Variants in ARB2A observed in about 807,000 individuals in gnomAD.
The protein encoded by ARB2A is cotranscriptional regulator ARB2A.
At chr5:93,957,652 T>C in the ARB2A span, among the ~76,000 whole-genome samples, 5 of 152,002 alleles carry the variant, frequency 3.3e-5, no homozygotes, top group South Asian at 2.1e-4. Flanking sequence ...AAAAAACATA[T>C]AGTTAACCTA....
chr5:94,099,624 C>CAAAAAAAAAA, the ARB2A span, among the ~76,000 whole-genome samples: 1 of 13,648 alleles, frequency 7.3e-5, no homozygotes, highest in Non-Finnish European at 1.8e-4. Flanking sequence ...GACTCCGTCT[C>CAAAAAAAAAA]AAAAAAAAAA....
chr5:93,927,862 G>T, the ARB2A span, among the ~76,000 whole-genome samples: 1 of 152,230 alleles, frequency 6.6e-6, no homozygotes, highest in East Asian at 1.9e-4. Flanking sequence ...AAAAAGAAGA[G>T]AAGAGGGAGA....
At chr5:93,846,000 GACACACACACACACACAC>G in the ARB2A span, among the ~76,000 whole-genome samples, 2 of 146,668 alleles carry the variant, frequency 1.4e-5, no homozygotes, top group East Asian at 2.0e-4. Flanking sequence ...CTCTCTCTGT[GACACACACACACACACAC>G]ACACACACAC....
At chr5:93,743,000 C>G in the ARB2A span, 1 of 152,284 alleles carries the variant, frequency 6.6e-6, no homozygotes, top group African/African-American at 2.4e-5. Context: ...CTGTTCTCCA[C>G]AGGGTGTCAA....
chr5:93,705,609 ATGTGTGTGTGTGTGTGTGTGTG>A, the ARB2A span, among the ~76,000 whole-genome samples: 5 of 128,742 alleles, frequency 3.9e-5, no homozygotes, highest in Admixed American at 1.6e-4. Context: ...TTGGGAAAAA[ATGTGTGTGTGTGTGTGTGTGTG>A]TGTGTGTGTG....
At chr5:93,854,719 A>G in the ARB2A span, among the ~76,000 whole-genome samples, 3 of 152,264 alleles carry the variant, frequency 2.0e-5, no homozygotes, top group East Asian at 5.8e-4. Context: ...TTATGTACCC[A>G]GTAGTCATTC....
At chr5:94,097,672 C>T in the ARB2A span, among the ~76,000 whole-genome samples, 1 of 152,074 alleles carries the variant, frequency 6.6e-6, no homozygotes. Context: ...GACCATTAAA[C>T]CTCTTTCTTT....
the ARB2A span, chr5:93,740,318 C>CTA: frequency 2.3e-6 from 1 of 427,054 alleles, no homozygotes; most frequent in Non-Finnish European, 4.1e-6. Context: ...TCGAAACCAT[C>CTA]TATATACTGT....
At chr5:94,038,943 T>C in the ARB2A span, among the ~76,000 whole-genome samples, 1 of 152,134 alleles carries the variant, frequency 6.6e-6, no homozygotes, top group East Asian at 1.9e-4. Flanking sequence ...AACTCAAATT[T>C]CCACTATCCT....
the ARB2A span, among the ~76,000 whole-genome samples, chr5:93,790,974 T>C: frequency 6.6e-6 from 1 of 152,208 alleles, no homozygotes; most frequent in African/African-American, 2.4e-5. Context: ...AAATCAATAA[T>C]GTCAGCTATT....
the ARB2A span, among the ~76,000 whole-genome samples, chr5:93,854,667 T>A: frequency 6.6e-6 from 1 of 152,306 alleles, no homozygotes; most frequent in South Asian, 2.1e-4. Context: ...CTTTGTTCTC[T>A]TTGGTTTCAA....
chr5:93,711,832 A>C, the ARB2A span, among the ~76,000 whole-genome samples: 7 of 152,236 alleles, frequency 4.6e-5, no homozygotes, highest in Non-Finnish European at 8.8e-5. Flanking sequence ...ACCCATGCCC[A>C]ATCATGTTAT....
the ARB2A span, among the ~76,000 whole-genome samples, chr5:93,716,224 G>T: frequency 1.3e-4 from 20 of 152,144 alleles, no homozygotes; most frequent in African/African-American, 4.3e-4. Context: ...TATAAATCTT[G>T]CTACCTTTGA....
chr5:93,878,437 T>C, the ARB2A span, among the ~76,000 whole-genome samples: 1 of 152,118 alleles, frequency 6.6e-6, no homozygotes, highest in Admixed American at 6.6e-5. Flanking sequence ...TGTGTGTGTG[T>C]GTGTTTATGG....
At chr5:94,091,944 T>G in the ARB2A span, among the ~76,000 whole-genome samples, 2 of 151,862 alleles carry the variant, frequency 1.3e-5, no homozygotes, top group Admixed American at 1.3e-4. Context: ...TAGACTCGGG[T>G]CAAAAATACT....
chr5:93,956,005 TTGGTA>T, the ARB2A span, among the ~76,000 whole-genome samples: 1 of 152,196 alleles, frequency 6.6e-6, no homozygotes, highest in Non-Finnish European at 1.5e-5. Context: ...GGCTGAATAA[TTGGTA>T]CTTGGCTACG....
chr5:94,027,365 TAGA>T, the ARB2A span, among the ~76,000 whole-genome samples: 1 of 152,188 alleles, frequency 6.6e-6, no homozygotes, highest in Non-Finnish European at 1.5e-5. Context: ...AAGGCATGAT[TAGA>T]AGGTTAGGAC....
chr5:94,007,774 CAAA>C, the ARB2A span, among the ~76,000 whole-genome samples: 12 of 83,426 alleles, frequency 1.4e-4, no homozygotes, highest in Admixed American at 1.4e-4. Context: ...GACTCTGTCT[CAAA>C]AAAAAAAAAA....
At chr5:94,091,725 T>C in the ARB2A span, among the ~76,000 whole-genome samples, 2 of 152,210 alleles carry the variant, frequency 1.3e-5, no homozygotes, top group Middle Eastern at 3.2e-3. Context: ...TTAAATTAGA[T>C]GGAAACTAAT....
Sources: allele counts gnomAD v4.1 joint callset (sites outside exome capture counted in the v4.1 genomes callset), GRCh38; gene constraint gnomAD v4.1.1; transcripts MANE v1.5; gene names NCBI Gene and HGNC (gene_info 2026-07-23, HGNC 2026-07-21).